Variants in ZDHHC14 observed in about 807,000 individuals in gnomAD.
ZDHHC14 encodes zDHHC palmitoyltransferase 14.
A neutral mutation model predicts 47.7 loss-of-function variants in ZDHHC14; 16 were observed. That is an observed-to-expected ratio of 0.34 (90% CI 0.23 to 0.51). The LOEUF (loss-of-function observed/expected upper bound fraction) is 0.51, where lower values mean the gene tolerates loss of function less well. Among genes scored for constraint, ZDHHC14 ranks in the 20% least tolerant of loss-of-function variants. The pLI, the probability that ZDHHC14 is intolerant of heterozygous loss-of-function variation, is 0.97. For synonymous variants in ZDHHC14, 293 were observed against 278.9 expected (o/e 1.05, Z -0.50); for missense variants, 515 against 662.5 (o/e 0.78, Z 2.44).
intron 3 of ZDHHC14, 85 bp from the exon 4 acceptor site, chr6:157,628,264 G>T: frequency 1.5e-6 from 2 of 1,372,514 alleles, no homozygotes; most frequent in South Asian, 1.3e-5. Context: ...CAGAGTATTG[G>T]GTGGGAGGGG....
At chr6:157,621,364 A>T (rs529099293) in intron 3 of ZDHHC14, among the ~76,000 whole-genome samples, 4,786 of 152,298 alleles carry the variant, frequency 0.031, 139 homozygotes, top group African/African-American at 0.088. Flanking sequence ...ACGTTTAAAG[A>T]AAAGTATTTT....
At chr6:157,592,694 G>A (rs917818444) in intron 2 of ZDHHC14, 6 of 1,114,010 alleles carry the variant, frequency 5.4e-6, no homozygotes, top group African/African-American at 3.3e-5. Flanking sequence ...GAGGGGAGGG[G>A]GAAGGAGGAA....
intron 3 of ZDHHC14, among the ~76,000 whole-genome samples, chr6:157,627,971 T>C (rs1319213945): frequency 1.3e-5 from 2 of 152,182 alleles, no homozygotes; most frequent in African/African-American, 4.8e-5. Context: ...AGCCCAGAAC[T>C]TACCATCAGG....
chr6:157,434,028 CAGAGGCAATGG>C (rs1486540904), intron 1 of ZDHHC14, among the ~76,000 whole-genome samples: 1 of 152,080 alleles, frequency 6.6e-6, no homozygotes, highest in Non-Finnish European at 1.5e-5. Flanking sequence ...CATGTGATGC[CAGAGGCAATGG>C]CTCAGTACAT....
chr6:157,571,776 A>ATTTTTTTTTT (rs548623336), intron 2 of ZDHHC14, among the ~76,000 whole-genome samples: 2 of 122,516 alleles, frequency 1.6e-5, no homozygotes, highest in African/African-American at 6.3e-5. Context: ...AGGAATCTGT[A>ATTTTTTTTTT]TTTTTTTTTT....
At chr6:157,551,091 G>A (rs946719059) in intron 2 of ZDHHC14, among the ~76,000 whole-genome samples, 1 of 152,176 alleles carries the variant, frequency 6.6e-6, no homozygotes, top group African/African-American at 2.4e-5. Flanking sequence ...TACAGTCAAA[G>A]CATGGAGAGA....
At chr6:157,506,476 A>G (rs1780328128) in intron 1 of ZDHHC14, among the ~76,000 whole-genome samples, 1 of 152,186 alleles carries the variant, frequency 6.6e-6, no homozygotes, top group African/African-American at 2.4e-5. Context: ...TCACACTGTT[A>G]TTTGTGCATG....
intron 1 of ZDHHC14, among the ~76,000 whole-genome samples, chr6:157,454,372 A>G (rs974019821): frequency 6.6e-6 from 1 of 152,060 alleles, no homozygotes; most frequent in Non-Finnish European, 1.5e-5. Flanking sequence ...TCTCTACTTT[A>G]TGTTAACATA....
chr6:157,432,662 C>T (rs1293960087), intron 1 of ZDHHC14, among the ~76,000 whole-genome samples: 1 of 152,178 alleles, frequency 6.6e-6, no homozygotes, highest in East Asian at 1.9e-4. Flanking sequence ...GGTGTTGAGG[C>T]TGCTTAGAGG....
chr6:157,613,419 C>G (rs1349008915), intron 3 of ZDHHC14, among the ~76,000 whole-genome samples: 2 of 152,146 alleles, frequency 1.3e-5, no homozygotes, highest in African/African-American at 4.8e-5. Flanking sequence ...TGATCACAAC[C>G]CTTAGTTTAA....
intron 1 of ZDHHC14, among the ~76,000 whole-genome samples, chr6:157,500,733 C>A (rs1780174904): frequency 6.6e-6 from 1 of 152,182 alleles, no homozygotes; most frequent in Non-Finnish European, 1.5e-5. Context: ...GTGGTGGAAT[C>A]CGTGGCCCTT....
At chr6:157,553,991 T>G (rs1782352783) in intron 2 of ZDHHC14, among the ~76,000 whole-genome samples, 1 of 152,128 alleles carries the variant, frequency 6.6e-6, no homozygotes, top group Non-Finnish European at 1.5e-5. Flanking sequence ...CTGTCCAAAT[T>G]TACCTTCCAA....
At chr6:157,533,095 C>G (rs1184727662) in intron 1 of ZDHHC14, among the ~76,000 whole-genome samples, 1 of 152,122 alleles carries the variant, frequency 6.6e-6, no homozygotes, top group Non-Finnish European at 1.5e-5. Flanking sequence ...GTTTGAAACA[C>G]AAATAGGATT....
chr6:157,499,093 A>G (rs1780135231), intron 1 of ZDHHC14, among the ~76,000 whole-genome samples: 1 of 152,154 alleles, frequency 6.6e-6, no homozygotes, highest in African/African-American at 2.4e-5. Flanking sequence ...CCCAGTTTTA[A>G]TCCCATTTGC....
chr6:157,438,490 C>T (rs1778490300), intron 1 of ZDHHC14, among the ~76,000 whole-genome samples: 1 of 152,226 alleles, frequency 6.6e-6, no homozygotes, highest in Non-Finnish European at 1.5e-5. Context: ...CTCTAGTTTT[C>T]ATCAGCTGAA....
chr6:157,389,308 AAT>A (rs1777376637), intron 1 of ZDHHC14, among the ~76,000 whole-genome samples: 1 of 152,208 alleles, frequency 6.6e-6, no homozygotes, highest in Non-Finnish European at 1.5e-5. Flanking sequence ...TCTTGCGATT[AAT>A]AGTTTCCCCC....
intron 1 of ZDHHC14, among the ~76,000 whole-genome samples, chr6:157,419,120 G>T (rs1778045545): frequency 6.6e-6 from 1 of 152,214 alleles, no homozygotes; most frequent in African/African-American, 2.4e-5. Flanking sequence ...GGATCCCCAT[G>T]TCGGCGGAAA....
intron 1 of ZDHHC14, among the ~76,000 whole-genome samples, chr6:157,477,837 G>A (rs771449677): frequency 6.6e-6 from 1 of 152,150 alleles, no homozygotes; most frequent in African/African-American, 2.4e-5. Context: ...GTTATTTATG[G>A]TACTGGAACA....
At chr6:157,475,586 A>C (rs1779462232) in intron 1 of ZDHHC14, among the ~76,000 whole-genome samples, 1 of 152,108 alleles carries the variant, frequency 6.6e-6, no homozygotes. Context: ...TCTTTGGTTA[A>C]ATTTATTCCT....
Sources: gnomAD v4.1 joint callset for allele counts (sites outside exome capture counted in the v4.1 genomes callset) on GRCh38, gnomAD v4.1.1 for gene constraint, MANE v1.5 for transcripts, NCBI Gene and HGNC (gene_info 2026-07-23, HGNC 2026-07-21) for gene names.